CAMSAP1: variants seen among roughly 807,000 people sequenced by gnomAD.
CAMSAP1 encodes calmodulin regulated spectrin associated protein 1, also known as calmodulin-regulated spectrin-associated protein 1.
In CAMSAP1, 58 loss-of-function variants were observed where a neutral mutation model predicts 143.5. The ratio of observed to expected loss-of-function variants is 0.40; its 90% CI spans 0.33 to 0.50. The LOEUF (loss-of-function observed/expected upper bound fraction) is 0.50, where lower values mean the gene tolerates loss of function less well. Among genes scored for constraint, CAMSAP1 ranks in the 20% least tolerant of loss-of-function variants. CAMSAP1 has a pLI of 0.45. For missense variants in CAMSAP1, 1,969 were observed against 2,115.7 expected (o/e 0.93, Z 1.36); for synonymous variants, 945 against 859.3 (o/e 1.10, Z -1.74).
chr9:135,814,063 C>T (rs1835144969), intron 16 of CAMSAP1, among the ~76,000 whole-genome samples: 1 of 152,204 alleles, frequency 6.6e-6, no homozygotes, highest in African/African-American at 2.4e-5. Context: ...AGTGCATCTC[C>T]GCATGCAGGG....
chr9:135,831,040 C>T (rs1312458909), intron 7 of CAMSAP1, among the ~76,000 whole-genome samples: 4 of 152,036 alleles, frequency 2.6e-5, no homozygotes, highest in Non-Finnish European at 4.4e-5. Context: ...AGCGTGGTGG[C>T]GGGCGCCTGT....
intron 14 of CAMSAP1, 187 bp downstream of exon 14, chr9:135,817,790 C>A: frequency 1.7e-6 from 1 of 584,346 alleles, no homozygotes. Flanking sequence ...CACGTTTAAC[C>A]AGCTGGGGAG....
At chr9:135,863,760 A>G (rs1837278177) in intron 4 of CAMSAP1, among the ~76,000 whole-genome samples, 2 of 152,318 alleles carry the variant, frequency 1.3e-5, no homozygotes, top group South Asian at 4.1e-4. Context: ...GGCACACACT[A>G]CAAAACGTGA....
Position 135,881,768 on chromosome 9 carries a change from G to A in CAMSAP1, c.450C>T (p.Ala150=), listed in dbSNP as rs1445897422. 4 of 1,551,806 alleles carry A rather than the reference G, an allele frequency of 2.6e-6. No individual in the cohort carries two copies. The highest frequency in any genetic ancestry group is 2.0e-5 in the Admixed American group (1 of 50,972). The stretch of plus-strand genomic sequence containing the variant: ...TCTCCACAGTGTAGGCCATCATCAG[G>A]GCATCCACCATTGCCATGTGGGCAC... The part of the protein sequence containing the change: ...KMSAHMAMVD[A]LMMAYTVEMI... The change falls in exon 3 of 17, where the codon GCC becomes GCT. Residue 150 remains alanine (A), a synonymous_variant. Transcript: ENST00000389532.
intron 3 of CAMSAP1, among the ~76,000 whole-genome samples, chr9:135,874,602 C>T (rs539948090): frequency 6.6e-6 from 1 of 150,802 alleles, no homozygotes; most frequent in Admixed American, 6.6e-5. Flanking sequence ...AGATGAAATA[C>T]AAGCAAAAAT....
At chr9:135,815,836 C>A in intron 15 of CAMSAP1, 54 bp downstream of exon 15, 1 of 1,415,938 alleles carries the variant, frequency 7.1e-7, no homozygotes, top group Non-Finnish European at 9.9e-7. Context: ...AAGAGCCACG[C>A]AAAGGCGTAT....
intron 7 of CAMSAP1, among the ~76,000 whole-genome samples, chr9:135,840,345 G>A (rs1461711786): frequency 6.6e-6 from 1 of 152,180 alleles, no homozygotes; most frequent in Non-Finnish European, 1.5e-5. Flanking sequence ...GTGAACTGAA[G>A]CTTAGCTGCT....
chr9:135,901,888 G>A (rs981318384), intron 1 of CAMSAP1, among the ~76,000 whole-genome samples: 3 of 152,080 alleles, frequency 2.0e-5, no homozygotes, highest in South Asian at 2.1e-4. Flanking sequence ...CAAATCCTCC[G>A]CCTCAACAAG....
chr9:135,879,684 CA>C, intron 3 of CAMSAP1, among the ~76,000 whole-genome samples: 1 of 151,534 alleles, frequency 6.6e-6, no homozygotes. Context: ...AACAAGCAAA[CA>C]AAAAACAAAG....
intron 1 of CAMSAP1, among the ~76,000 whole-genome samples, chr9:135,890,921 G>A (rs149269401): frequency 6.4e-4 from 98 of 152,296 alleles, no homozygotes; most frequent in Non-Finnish European, 1.3e-3. Context: ...CTCTCCCGCT[G>A]ACAACAGCTA....
rs1412273856 is a variant in CAMSAP1, at chr9:135,866,583, C to G, written c.586-47G>C. The G allele has an allele frequency of 4.6e-6, 4 of 869,526 alleles. No homozygotes were observed. The East Asian group carries it at 1.1e-4, about 23-fold the overall frequency. The allele number at this position is 869,526 out of a possible 1,614,324, so 53.9% of individuals were successfully genotyped here. ...TTAAAGAGGTAATTGCTGTCCCGCACAATTGTATCTCCACAATTATCCCCC... is the reference window on the plus strand; with the variant it reads ...TTAAAGAGGTAATTGCTGTCCCGCAGAATTGTATCTCCACAATTATCCCCC... On this transcript the variant is annotated intron_variant, in intron 3 of 16. Coordinates refer to ENST00000389532, the MANE Select transcript of CAMSAP1 (RefSeq NM_015447.4).
intron 3 of CAMSAP1, among the ~76,000 whole-genome samples, chr9:135,867,057 TAATTACTAACTC>T (rs1041296960): frequency 6.6e-6 from 1 of 152,166 alleles, no homozygotes; most frequent in African/African-American, 2.4e-5. Context: ...TTCTCTCCTG[TAATTACTAACTC>T]AATATCAAAA....
At chr9:135,886,062 A>T (rs944756274) in intron 1 of CAMSAP1, among the ~76,000 whole-genome samples, 21 of 57,314 alleles carry the variant, frequency 3.7e-4, no homozygotes, top group African/African-American at 1.0e-3. Context: ...ATACCTACTT[A>T]AAAAAAAAAA....
Position 135,821,067 on chromosome 9 carries a change from T to G in CAMSAP1, c.3594A>C (p.Lys1198Asn). ...ANILSEQMSL[K>N]EVLDASVKEV... ...CCTTCACACTCGCATCCAGAACTTC[T>G]TTGAGGCTCATCTGCTCCGAAAGAA... The change falls in exon 11 of 17, where the codon AAA (lysine) becomes AAC (asparagine). Residue 1198 changes from lysine to asparagine, a missense_variant. This residue lies in a region of CAMSAP1 where 1,390 missense variants were observed against 1,420.8 expected (regional missense o/e 0.98). Coordinates refer to ENST00000389532, the MANE Select transcript of CAMSAP1 (RefSeq NM_015447.4). This position sits in a 1 kb window ranked among gnomAD's most constrained non-coding sequence, Gnocchi z 4.6. 1 of 1,613,918 alleles carries G rather than the reference T, an allele frequency of 6.2e-7. No individual in the cohort carries two copies. The highest frequency in any genetic ancestry group is 8.5e-7 in the Non-Finnish European group (1 of 1,179,876).
chr9:135,880,746 G>A (rs1021112361), intron 3 of CAMSAP1, among the ~76,000 whole-genome samples: 1 of 152,086 alleles, frequency 6.6e-6, no homozygotes. Flanking sequence ...CCTCACATGG[G>A]GCCACACAAC....
chr9:135,863,561 T>G (rs1370221059), intron 4 of CAMSAP1, among the ~76,000 whole-genome samples: 2 of 152,182 alleles, frequency 1.3e-5, no homozygotes, highest in African/African-American at 2.4e-5. Context: ...TGAATCAACT[T>G]GAGGAGAAAT....
Position 135,907,450 on chromosome 9 carries a change from G to A in CAMSAP1, c.-291C>T, listed in dbSNP as rs1196658435. 6.8e-6 allele frequency among the ~76,000 whole-genome samples: 1 copy of A among 145,986 alleles called. No homozygotes were observed. Among genetic ancestry groups the A allele is most frequent in the Non-Finnish European group, 1.5e-5 (1 of 65,758 alleles). On this transcript the variant is annotated 5_prime_UTR_variant, in exon 1 of 17. Coordinates refer to ENST00000389532, the MANE Select transcript of CAMSAP1 (RefSeq NM_015447.4). ...GGCGGGGGCGGGCGCGGGGGCGGGA[G>A]CGGGCCGGGGGCGGTGGCAGCGCGT...
At chr9:135,831,469 CTTTT>C (rs1192507871) in intron 7 of CAMSAP1, among the ~76,000 whole-genome samples, 1 of 149,688 alleles carries the variant, frequency 6.7e-6, no homozygotes, top group Admixed American at 6.7e-5. Context: ...CCCCATCTCT[CTTTT>C]TTTAATTAAA....
At chr9:135,834,541 G>A (rs1316742148) in intron 7 of CAMSAP1, among the ~76,000 whole-genome samples, 2 of 152,210 alleles carry the variant, frequency 1.3e-5, no homozygotes, top group Non-Finnish European at 2.9e-5. Context: ...CAGTGAATAA[G>A]CCAGACACAG....
Sources: gnomAD v4.1 joint callset for allele counts (sites outside exome capture counted in the v4.1 genomes callset) on GRCh38, gnomAD v4.1.1 for gene constraint, gnomAD v4.1.1 regional missense constraint, Gnocchi (gnomAD v3.1) non-coding constraint, MANE v1.5 for transcripts, NCBI Gene and HGNC (gene_info 2026-07-23, HGNC 2026-07-21) for gene names.